AGRN: variants seen among roughly 807,000 people sequenced by gnomAD.
AGRN encodes the protein agrin.
AGRN carries 106 observed loss-of-function variants against 211.0 expected under a neutral mutation model. The ratio of observed to expected loss-of-function variants is 0.50; its 90% CI spans 0.43 to 0.59. The LOEUF (loss-of-function observed/expected upper bound fraction) is 0.59, where lower values mean the gene tolerates loss of function less well. AGRN is among the 20% of genes least tolerant of loss of function. AGRN has a pLI of 0.00. For missense variants in AGRN, 3,040 were observed against 2,982.6 expected (o/e 1.02, Z -0.45); for synonymous variants, 1,525 against 1,332.5 (o/e 1.14, Z -3.15).
chr1:1,043,220 GCC>G lies in AGRN; in HGVS notation c.1385-16_1385-15del, dbSNP rs200933055. On this transcript the variant is annotated splice_polypyrimidine_tract_variant and intron_variant, in intron 7 of 35. Transcript: ENST00000379370. ...GAGGGGGGGCTTGTGGGACCACTGAGCCCCTGTGTCCTTCCCAGACCAGGCCC... is the reference window on the plus strand; with the variant it reads ...GAGGGGGGGCTTGTGGGACCACTGAGCCTGTGTCCTTCCCAGACCAGGCCC... 2.8e-5 allele frequency: 43 copies of G among 1,546,258 alleles called. No homozygotes were observed. Among genetic ancestry groups the G allele is most frequent in the Non-Finnish European group, 3.3e-5 (38 of 1,146,314 alleles).
At chr1:1,054,080 C>A (rs1272412141) in intron 34 of AGRN, 103 bp downstream of exon 34, 3 of 1,275,812 alleles carry the variant, frequency 2.4e-6, no homozygotes, top group Non-Finnish European at 3.3e-6. Flanking sequence ...AGGGAGGACA[C>A]GCCTTGCTGC....
In AGRN at chr1:1,055,175, G is replaced by C. The variant is rs1396583810; in HGVS notation, c.*194G>C. ...GGCGAGGTGGCAGCGTGGAGGGCTCGGCGTGGATGGCAGCCTCAGGACACA... is the reference window on the plus strand; with the variant it reads ...GGCGAGGTGGCAGCGTGGAGGGCTCCGCGTGGATGGCAGCCTCAGGACACA... On this transcript the variant is annotated 3_prime_UTR_variant, in exon 36 of 36. Transcript: ENST00000379370. The C allele has an allele frequency of 2.3e-6, 2 of 854,720 alleles. No individual in the cohort carries two copies. Among genetic ancestry groups the C allele is most frequent in the Admixed American group, 4.3e-5 (2 of 46,668 alleles). 52.9% of individuals were successfully genotyped at this position (854,720 alleles called of 1,614,324 possible).
intron 7 of AGRN, among the ~76,000 whole-genome samples, chr1:1,042,767 AG>A (rs370972452): frequency 4.0e-5 from 6 of 151,642 alleles, no homozygotes; most frequent in African/African-American, 1.5e-4. Context: ...CTGGTGCGGC[AG>A]GGGGGGTGGC....
In AGRN at chr1:1,041,722, G is replaced by T. The variant is rs1644944982; in HGVS notation, c.1177+20G>T. 3.2e-6 allele frequency: 5 copies of T among 1,566,296 alleles called. No individual in the cohort carries two copies. The highest frequency in any genetic ancestry group is 3.5e-6 in the Non-Finnish European group (4 of 1,157,012). Reference sequence around the variant, plus strand: ...GTCGAGGTGAGCGGCTCCCCCGGGGGAGGGCTCCGGCCAGTGCCAGGGTCG... The same window carrying T: ...GTCGAGGTGAGCGGCTCCCCCGGGGTAGGGCTCCGGCCAGTGCCAGGGTCG... On this transcript the variant is annotated intron_variant, in intron 6 of 35. Coordinates refer to ENST00000379370, the MANE Select transcript of AGRN (RefSeq NM_198576.4).
In AGRN at chr1:1,050,598, C is replaced by T. The variant is rs771799601; in HGVS notation, c.5141+7C>T. 26 of 1,607,122 alleles carry T rather than the reference C, an allele frequency of 1.6e-5. No homozygotes were observed. Among genetic ancestry groups the T allele is most frequent in the South Asian group, 5.5e-5 (5 of 90,914 alleles). On this transcript the variant is annotated splice_region_variant and intron_variant, in intron 29 of 35. Coordinates refer to ENST00000379370, the MANE Select transcript of AGRN (RefSeq NM_198576.4). Reference sequence around the variant, plus strand: ...AGGGGGCAGCGGTCATCAGGTGGGCCGGCAAGGGTGGCTCTGGGAGGCCTG... The same window carrying T: ...AGGGGGCAGCGGTCATCAGGTGGGCTGGCAAGGGTGGCTCTGGGAGGCCTG...
At chr1:1,050,077 G>GTC (rs1557719069) in intron 27 of AGRN, 40 bp downstream of exon 27, 20 of 1,518,888 alleles carry the variant, frequency 1.3e-5, no homozygotes, top group African/African-American at 5.8e-5. Flanking sequence ...GGGGGGGGGG[G>GTC]GTTGAACGTT....
At chr1:1,041,066 G>C in intron 4 of AGRN, 107 bp from the exon 5 acceptor site, 1 of 683,016 alleles carries the variant, frequency 1.5e-6, no homozygotes, top group Non-Finnish European at 1.9e-6. Context: ...GCGGGGCCCG[G>C]CGGGGAGGAG....
chr1:1,031,596 C>T lies in AGRN; in HGVS notation c.464-3681C>T, dbSNP rs1644678479. On this transcript the variant is annotated intron_variant, in intron 2 of 35. Transcript: ENST00000379370. The surrounding 1 kb of genome is among the most constrained non-coding windows in gnomAD (Gnocchi z 4.8). Reference sequence around the variant, plus strand: ...GCCCAAGGGGCCCTAAGCCTCATTCCAGTGTCGGCCTGGGGCAGCCAGGCC... The same window carrying T: ...GCCCAAGGGGCCCTAAGCCTCATTCTAGTGTCGGCCTGGGGCAGCCAGGCC... Among the ~76,000 whole-genome samples the T allele has an allele frequency of 6.6e-6, 1 of 152,200 alleles. No homozygotes were observed. Among genetic ancestry groups the T allele is most frequent in the Non-Finnish European group, 1.5e-5 (1 of 68,022 alleles).
At position 1,043,855 on chromosome 1, in the gene AGRN, G is replaced by A. The variant is rs749606985; in HGVS notation, c.1831G>A (p.Ala611Thr). Residue 611 changes from alanine (A) to threonine (T), a missense_variant, in exon 10 of 36, where the codon GCT (alanine) becomes ACT (threonine). Around this residue, in one of 3 missense-constraint regions of AGRN, gnomAD observed 1,498 missense variants for 1,457.8 expected, o/e 1.03. Coordinates refer to ENST00000379370, the MANE Select transcript of AGRN (RefSeq NM_198576.4). ...TCGDAVCAFGAVCSAGQCVCP... is the reference protein window; with the variant it reads ...TCGDAVCAFGTVCSAGQCVCP... The stretch of plus-strand genomic sequence containing the variant: ...TGGAGATGCCGTGTGTGCTTTTGGG[G>A]CTGTGTGCTCCGCAGGGCAGTGTGT... The A allele has an allele frequency of 1.2e-6, 2 of 1,611,442 alleles. No individual in the cohort carries two copies. The highest frequency in any genetic ancestry group is 8.5e-7 in the Non-Finnish European group (1 of 1,179,804).
intron 14 of AGRN, 36 bp from the exon 15 acceptor site, chr1:1,045,697 T>TGCGGACATC (rs1553176220): frequency 1.2e-6 from 2 of 1,612,936 alleles, no homozygotes; most frequent in Non-Finnish European, 1.7e-6. Context: ...CCCGTCCAGG[T>TGCGGACATC]GCGGACATCA....
chr1:1,040,623 G>T, intron 3 of AGRN, 42 bp from the exon 4 acceptor site: 1 of 1,542,708 alleles, frequency 6.5e-7, no homozygotes, highest in Non-Finnish European at 8.7e-7. Flanking sequence ...ACGTGGGTAC[G>T]GGCGTCTCGG....
intron 2 of AGRN, chr1:1,034,017 A>C: frequency 3.2e-6 from 2 of 625,276 alleles, no homozygotes; most frequent in Non-Finnish European, 4.0e-6. Flanking sequence ...CCCCGCGGGG[A>C]CGAGGGGAGC....
chr1:1,026,749 C>T (rs898051951), intron 2 of AGRN, among the ~76,000 whole-genome samples: 4 of 152,182 alleles, frequency 2.6e-5, no homozygotes, highest in Non-Finnish European at 2.9e-5. Context: ...CTGCCCACCT[C>T]AGGATGGAAC....
At position 1,047,335 on chromosome 1, in the gene AGRN, G is replaced by A; in HGVS notation, c.3397G>A (p.Val1133Met). 1 of 1,602,110 alleles carries A rather than the reference G, an allele frequency of 6.2e-7. No homozygotes were observed. The highest frequency in any genetic ancestry group is 8.5e-7 in the Non-Finnish European group (1 of 1,175,022). ...CTGTACCTCCCCCACAGCCACCAAG[G>A]TGTTCCAGGGCGTCCTGGAGCTGGA... ...AEGSNCPATK[V>M]FQGVLELEGV... Residue 1133 changes from valine (V) to methionine (M), a missense_variant, in exon 20 of 36, where the codon GTG becomes ATG. This residue lies in a region of AGRN where 1,537 missense variants were observed against 1,505.0 expected (regional missense o/e 1.02). Transcript: ENST00000379370.
Position 1,046,829 on chromosome 1 carries a change from C to A in AGRN, c.3260C>A (p.Pro1087His), listed in dbSNP as rs1645110807. 1 of 1,584,798 alleles carries A rather than the reference C, an allele frequency of 6.3e-7. No homozygotes were observed. The highest frequency in any genetic ancestry group is 8.6e-7 in the Non-Finnish European group (1 of 1,168,852). ...GAGCGCGTCTCCCCAGGGCTCGAGC[C>A]CTTGGAGGGCAGCAGCGTGGCCACC... ...ASGGGSGGLEPLEGSSVATPG... is the reference protein window; with the variant it reads ...ASGGGSGGLEHLEGSSVATPG... Residue 1087 changes from proline to histidine, a missense_variant, in exon 19 of 36, where the codon CCC becomes CAC. Physicochemically the swap from Pro to His is moderately conservative, Grantham distance 77. Coordinates refer to ENST00000379370, the MANE Select transcript of AGRN (RefSeq NM_198576.4).
Position 1,051,305 on chromosome 1 carries a change from C to T in AGRN, c.5306C>T (p.Pro1769Leu). 6.4e-7 allele frequency: 1 copy of T among 1,572,074 alleles called. No individual in the cohort carries two copies. Among genetic ancestry groups the T allele is most frequent in the Non-Finnish European group, 8.6e-7 (1 of 1,159,534 alleles). ...LKEPLYVGGA[P>L]DFSKLARAAA... ...GAGCCGCTCTACGTAGGGGGCGCTC[C>T]CGACTTCAGCAAGCTGGCCCGTGCT... The change falls in exon 31 of 36, where the codon CCC (proline) becomes CTC (leucine). Residue 1769 changes from proline to leucine, a missense_variant. Pro to Leu is a moderately conservative substitution (Grantham distance 98). Transcript: ENST00000379370.
At chr1:1,052,214 G>A in intron 33 of AGRN, 1 of 502,220 alleles carries the variant, frequency 2.0e-6, no homozygotes, top group Non-Finnish European at 3.4e-6. Context: ...GCCGAGGGTC[G>A]CCCCACAGCC....
intron 27 of AGRN, 46 bp from the exon 28 acceptor site, chr1:1,050,184 CAGG>C: frequency 6.2e-7 from 1 of 1,605,592 alleles, no homozygotes; most frequent in Non-Finnish European, 8.5e-7. Flanking sequence ...GCATGGGGTG[CAGG>C]AGGCCCCGGG....
intron 10 of AGRN, 34 bp downstream of exon 10, chr1:1,044,057 C>G (rs151102274): frequency 1.2e-6 from 2 of 1,612,474 alleles, no homozygotes; most frequent in Non-Finnish European, 1.7e-6. Context: ...AACTGCTGGG[C>G]TCTGGCTTTG....
Sources: gnomAD v4.1 joint callset for allele counts (sites outside exome capture counted in the v4.1 genomes callset) on GRCh38, gnomAD v4.1.1 for gene constraint, gnomAD v4.1.1 regional missense constraint, Gnocchi (gnomAD v3.1) non-coding constraint, MANE v1.5 for transcripts, NCBI Gene and HGNC (gene_info 2026-07-23, HGNC 2026-07-21) for gene names.